Variants in RPRD2 observed in about 807,000 individuals in gnomAD.
RPRD2 encodes regulation of nuclear pre-mRNA domain containing 2, also known as regulation of nuclear pre-mRNA domain-containing protein 2.
RPRD2 carries 12 observed loss-of-function variants against 104.4 expected under a neutral mutation model. That is an observed-to-expected ratio of 0.11 (90% confidence interval 0.07 to 0.19). The LOEUF (loss-of-function observed/expected upper bound fraction) is 0.19, where lower values mean the gene tolerates loss of function less well. Ranked by LOEUF, RPRD2 falls within the 10% of genes least tolerant of loss-of-function variation. RPRD2 has a pLI of 1.00. For synonymous variants in RPRD2, 714 were observed against 684.9 expected, an observed-to-expected ratio of 1.04 and a Z score of -0.66; for missense variants, 1,543 against 1,790.1, an observed-to-expected ratio of 0.86 and a Z score of 2.49.
chr1:150,426,148 A>G (rs1359087255), intron 2 of RPRD2, among the ~76,000 whole-genome samples: 1 of 151,826 alleles, frequency 6.6e-6, no homozygotes. Context: ...AGCCTTCTAC[A>G]GTCAAATCTC....
At chr1:150,439,388 C>T (rs587654067) in intron 2 of RPRD2, among the ~76,000 whole-genome samples, 74 of 122,518 alleles carry the variant, frequency 6.0e-4, no homozygotes, top group African/African-American at 2.1e-3. Flanking sequence ...GCAGGTGGAT[C>T]GCTTGAGCCC....
At chr1:150,419,087 A>G (rs1664576112) in intron 2 of RPRD2, among the ~76,000 whole-genome samples, 1 of 152,206 alleles carries the variant, frequency 6.6e-6, no homozygotes, top group African/African-American at 2.4e-5. Flanking sequence ...CCTATTGAAC[A>G]TCCCCACATT....
At chr1:150,449,962 T>C (rs1334000480) in intron 7 of RPRD2, among the ~76,000 whole-genome samples, 1 of 152,200 alleles carries the variant, frequency 6.6e-6, no homozygotes, top group Non-Finnish European at 1.5e-5. Context: ...CATCTTTTAT[T>C]TCTCTTCTCT....
Position 150,460,154 on chromosome 1 carries a change from T to C in RPRD2, c.1248T>C (p.Cys416=), listed in dbSNP as rs78621328. The change falls in exon 9 of 11, where the codon TGT becomes TGC. Residue 416 remains cysteine (C), a synonymous_variant. Transcript: ENST00000369068. ...AAAATATCTCAAAGGCCTCTTCATG[T>C]ACCCCAGTGCCTGTGACCATGACAG... ...PTENISKASS[C]TPVPVTMTAT... is the part of the protein sequence containing the mutation. 2.5e-6 allele frequency: 4 copies of C among 1,613,976 alleles called. No homozygotes were observed. The African/African-American group carries it at 4.0e-5, about 16-fold the overall frequency.
intron 1 of RPRD2, among the ~76,000 whole-genome samples, chr1:150,389,023 A>T (rs587733424): frequency 5.3e-5 from 8 of 151,434 alleles, no homozygotes; most frequent in Non-Finnish European, 1.2e-4. Context: ...AGATTTTGAC[A>T]GTTTTGTTTT....
At chr1:150,427,421 C>T (rs985470186) in intron 2 of RPRD2, among the ~76,000 whole-genome samples, 12 of 149,880 alleles carry the variant, frequency 8.0e-5, no homozygotes, top group South Asian at 2.1e-4. Flanking sequence ...TGCAGTGAGC[C>T]GAGATTGCCC....
intron 1 of RPRD2, among the ~76,000 whole-genome samples, chr1:150,393,835 G>A (rs1288645786): frequency 1.3e-5 from 2 of 151,998 alleles, no homozygotes; most frequent in African/African-American, 2.4e-5. Context: ...ATGAAGAATA[G>A]GGAGAGGTAA....
chr1:150,367,754 G>T (rs1452695379), intron 1 of RPRD2, among the ~76,000 whole-genome samples: 1 of 150,128 alleles, frequency 6.7e-6, no homozygotes, highest in East Asian at 1.9e-4. Context: ...ATGGAGTCTC[G>T]CTCTGTCGTC....
At chr1:150,378,383 A>G (rs1660876924) in intron 1 of RPRD2, among the ~76,000 whole-genome samples, 1 of 152,210 alleles carries the variant, frequency 6.6e-6, no homozygotes, top group African/African-American at 2.4e-5. Flanking sequence ...CTAATGAACA[A>G]TAGAGCCAGG....
intron 2 of RPRD2, among the ~76,000 whole-genome samples, chr1:150,429,195 C>T (rs587766602): frequency 6.2e-4 from 94 of 151,528 alleles, no homozygotes; most frequent in African/African-American, 2.3e-3. Context: ...CGGGTTCAAG[C>T]GATTCTCCTG....
chr1:150,454,242 CT>C (rs1489068208), intron 7 of RPRD2, among the ~76,000 whole-genome samples: 1 of 152,150 alleles, frequency 6.6e-6, no homozygotes, highest in East Asian at 1.9e-4. Flanking sequence ...AAAAGCTCTG[CT>C]TTTTTTCTTT....
At chr1:150,390,239 A>G (rs1235977507) in intron 1 of RPRD2, among the ~76,000 whole-genome samples, 1 of 152,224 alleles carries the variant, frequency 6.6e-6, no homozygotes, top group African/African-American at 2.4e-5. Context: ...CACGCCTGTA[A>G]TCCCAGCACT....
At position 150,364,745 on chromosome 1, in the gene RPRD2, A is replaced by G; in HGVS notation, c.31A>G (p.Lys11Glu). 1 of 1,592,936 alleles carries G rather than the reference A, an allele frequency of 6.3e-7. No homozygotes were observed. The highest frequency in any genetic ancestry group is 8.6e-7 in the Non-Finnish European group (1 of 1,169,504). The change falls in exon 1 of 11, where the codon AAG becomes GAG. Residue 11 changes from lysine (K) to glutamate (E), a missense_variant. By Grantham distance (56) the Lys-to-Glu change is moderately conservative (BLOSUM62 1). Coordinates refer to ENST00000369068, the MANE Select transcript of RPRD2 (RefSeq NM_015203.5). MAAGGGGGSS[K>E]ASSSSASSAG... ...GGCCGGCGGCGGCGGAGGCAGCAGT[A>G]AGGCCTCCTCCTCGTCGGCCTCTTC...
intron 1 of RPRD2, among the ~76,000 whole-genome samples, chr1:150,381,268 A>G (rs587622623): frequency 1.3e-5 from 2 of 151,746 alleles, no homozygotes; most frequent in African/African-American, 2.4e-5. Context: ...TACAAAAAAA[A>G]AAAAATAGGT....
chr1:150,461,971 C>T (rs1222820132), intron 9 of RPRD2, among the ~76,000 whole-genome samples: 4 of 145,686 alleles, frequency 2.7e-5, no homozygotes, highest in African/African-American at 7.8e-5. Context: ...AGCAATACTC[C>T]GTCTCAAAAA....
Position 150,414,291 on chromosome 1 carries a change from T to C in RPRD2, c.206-3305T>C, listed in dbSNP as rs587676367. Reference sequence around the variant, plus strand: ...CCCTATCTTAATTGTTTTACATACATTGTTTTATTTAGTTCTTCTAACAAT... The same window carrying C: ...CCCTATCTTAATTGTTTTACATACACTGTTTTATTTAGTTCTTCTAACAAT... On this transcript the variant is annotated intron_variant, in intron 1 of 10. Transcript: ENST00000369068. 9.2e-5 allele frequency among the ~76,000 whole-genome samples: 14 copies of C among 152,354 alleles called. No individual in the cohort carries two copies. In the East Asian group the frequency reaches 2.7e-3, roughly 29 times the overall value.
chr1:150,364,558 T>C lies in RPRD2; in HGVS notation c.-157T>C. The C allele has an allele frequency of 3.5e-6, 2 of 572,102 alleles. No homozygotes were observed. Among genetic ancestry groups the C allele is most frequent in the Non-Finnish European group, 6.1e-6 (2 of 326,526 alleles). The allele number at this position is 572,102 out of a possible 1,614,324, so 35.4% of individuals were successfully genotyped here. A position where few individuals can be genotyped will look rare whatever the true frequency, so the allele number is the denominator to read the frequency against. ...GCCCAGCAGCTGGTGTTCCCGTCCG[T>C]ACCTCCAGAAGAGCCCAGCGCGTGC... On this transcript the variant is annotated 5_prime_UTR_variant, in exon 1 of 11. Coordinates refer to ENST00000369068, the MANE Select transcript of RPRD2 (RefSeq NM_015203.5).
rs587681979 is a variant in RPRD2, at chr1:150,433,059, C to T, written c.336-7864C>T. ...ATATATGTTTGAGGTGATGGCTACC[C>T]TATTATATACTCTGATGTCATTATT... On this transcript the variant is annotated intron_variant, in intron 2 of 10. Transcript: ENST00000369068. Among the ~76,000 whole-genome samples, 6 of 152,028 alleles carry T rather than the reference C, an allele frequency of 3.9e-5. 1 individual carries two copies. The highest frequency in any genetic ancestry group is 2.6e-4 in the Admixed American group (4 of 15,228).
intron 1 of RPRD2, among the ~76,000 whole-genome samples, chr1:150,377,117 A>G (rs1257819549): frequency 6.6e-6 from 1 of 151,718 alleles, no homozygotes; most frequent in African/African-American, 2.4e-5. Flanking sequence ...AGGCTGAGGC[A>G]GGAGAATTGC....
Sources: gnomAD v4.1 joint callset for allele counts (sites outside exome capture counted in the v4.1 genomes callset) on GRCh38, gnomAD v4.1.1 for gene constraint, MANE v1.5 for transcripts, NCBI Gene and HGNC (gene_info 2026-07-23, HGNC 2026-07-21) for gene names.